CCDC3: variants seen among roughly 807,000 people sequenced by gnomAD.
The protein encoded by CCDC3 is coiled-coil domain containing 3, also known as coiled-coil domain-containing protein 3.
A neutral mutation model predicts 21.4 loss-of-function variants in CCDC3; 24 were observed. The ratio of observed to expected loss-of-function variants is 1.12; its 90% CI spans 0.81 to 1.58. The LOEUF is 1.58. Among genes scored for constraint, CCDC3 ranks in the 40% most tolerant of loss-of-function variants. CCDC3 has a pLI of 0.00. For missense variants in CCDC3, 425 were observed against 360.9 expected (o/e 1.18, Z -1.44); for synonymous variants, 186 against 166.0 (o/e 1.12, Z -0.93).
intron 2 of CCDC3, among the ~76,000 whole-genome samples, chr10:12,940,811 C>T (rs1349154464): frequency 1.3e-5 from 2 of 152,136 alleles, no homozygotes; most frequent in African/African-American, 4.8e-5. Flanking sequence ...GAAAACTGAT[C>T]AACAGGGAAG....
At chr10:13,023,489 A>G (rs1323146494) in intron 5 of CCDC3, among the ~76,000 whole-genome samples, 1 of 152,146 alleles carries the variant, frequency 6.6e-6, no homozygotes, top group Non-Finnish European at 1.5e-5. Context: ...GGTTTCAAGA[A>G]GACCTGTTCT....
intron 2 of CCDC3, among the ~76,000 whole-genome samples, chr10:12,967,526 A>G (rs1447063684): frequency 6.6e-6 from 1 of 152,174 alleles, no homozygotes; most frequent in Non-Finnish European, 1.5e-5. Flanking sequence ...CAATTAATAA[A>G]AAGTTCAATA....
At chr10:12,949,918 G>C (rs746798041) in intron 2 of CCDC3, among the ~76,000 whole-genome samples, 3 of 152,212 alleles carry the variant, frequency 2.0e-5, no homozygotes, top group Non-Finnish European at 2.9e-5. Flanking sequence ...TGTAGACCCA[G>C]AGATACACAC....
intron 2 of CCDC3, among the ~76,000 whole-genome samples, chr10:12,957,274 C>T (rs1326703535): frequency 6.6e-6 from 1 of 152,154 alleles, no homozygotes; most frequent in African/African-American, 2.4e-5. Context: ...TTTTAAGACA[C>T]CCAGTCACCT....
At chr10:13,082,051 C>T (rs1293113314) in intron 3 of CCDC3, among the ~76,000 whole-genome samples, 1 of 152,200 alleles carries the variant, frequency 6.6e-6, no homozygotes, top group Non-Finnish European at 1.5e-5. Context: ...CCTACAGGGT[C>T]TGTGGGTCTT....
chr10:13,092,142 A>G (rs1425042775), intron 3 of CCDC3, among the ~76,000 whole-genome samples: 1 of 152,260 alleles, frequency 6.6e-6, no homozygotes, highest in Non-Finnish European at 1.5e-5. Flanking sequence ...CAACCAAGCC[A>G]GAATCAACTA....
chr10:12,922,651 T>C (rs1214999577), intron 2 of CCDC3, among the ~76,000 whole-genome samples: 1 of 152,104 alleles, frequency 6.6e-6, no homozygotes. Context: ...AAACATGCTC[T>C]TCCCCCTCCC....
At chr10:13,012,093 C>A (rs906692459) in intron 5 of CCDC3, among the ~76,000 whole-genome samples, 9 of 152,126 alleles carry the variant, frequency 5.9e-5, no homozygotes, top group African/African-American at 2.2e-4. Context: ...ACTATAAAAA[C>A]CCTGGAAGAT....
At chr10:13,058,673 C>CGAGATCTA in intron 4 of CCDC3, 1 of 497,196 alleles carries the variant, frequency 2.0e-6, no homozygotes, top group Non-Finnish European at 3.7e-6. Context: ...TTAACAAACC[C>CGAGATCTA]CACCCTGTGG....
At chr10:12,904,993 G>A (rs905771743) in intron 2 of CCDC3, among the ~76,000 whole-genome samples, 18 of 152,030 alleles carry the variant, frequency 1.2e-4, no homozygotes, top group Non-Finnish European at 1.9e-4. Flanking sequence ...AAGAGTCACC[G>A]AGAGGATTCT....
intron 4 of CCDC3, among the ~76,000 whole-genome samples, chr10:13,055,533 T>C (rs1836670668): frequency 6.6e-6 from 1 of 151,904 alleles, no homozygotes; most frequent in Non-Finnish European, 1.5e-5. Context: ...CTATGTTGCC[T>C]AGGCTGGTCT....
intron 2 of CCDC3, among the ~76,000 whole-genome samples, chr10:12,982,448 C>A (rs796214176): frequency 6.6e-5 from 10 of 151,854 alleles, no homozygotes; most frequent in African/African-American, 2.4e-4. Flanking sequence ...GTTAACAATA[C>A]TGTAGATTTT....
At chr10:13,059,914 C>A (rs1158767384) in intron 4 of CCDC3, among the ~76,000 whole-genome samples, 1 of 152,066 alleles carries the variant, frequency 6.6e-6, no homozygotes, top group Admixed American at 6.6e-5. Flanking sequence ...TGGTGAAACC[C>A]CCTCTCTACT....
intron 5 of CCDC3, among the ~76,000 whole-genome samples, chr10:13,044,051 T>A (rs1363160355): frequency 1.3e-5 from 2 of 152,230 alleles, no homozygotes; most frequent in Non-Finnish European, 2.9e-5. Context: ...ATAGCCATTC[T>A]GACTGGTGTG....
chr10:13,067,920 TTTTG>T (rs757809154), intron 4 of CCDC3, among the ~76,000 whole-genome samples: 341 of 152,264 alleles, frequency 2.2e-3, no homozygotes, highest in African/African-American at 6.8e-3. Flanking sequence ...TCTTTACGTT[TTTTG>T]TTTGTTTGTT....
intron 2 of CCDC3, among the ~76,000 whole-genome samples, chr10:12,913,215 G>A (rs57642391): frequency 0.12 from 18,687 of 152,170 alleles, 1,356 homozygotes; most frequent in East Asian, 0.29. Flanking sequence ...TCTAATCTAT[G>A]AGCACAGGAT....
At chr10:13,048,152 C>T (rs1416693835) in intron 5 of CCDC3, among the ~76,000 whole-genome samples, 3 of 152,138 alleles carry the variant, frequency 2.0e-5, no homozygotes, top group Non-Finnish European at 4.4e-5. Flanking sequence ...CATGACTCTG[C>T]TTTAAGCTTA....
In CCDC3 at chr10:13,041,037, C is replaced by CA. The variant is rs199831233; in HGVS notation, c.-2+8636dup. Among the ~76,000 whole-genome samples, 185 of 152,038 alleles carry CA rather than the reference C, an allele frequency of 1.2e-3. 7 individuals carry two copies. In the East Asian group the frequency reaches 0.03, roughly 25 times the overall value. On this transcript the variant is annotated intron_variant, in intron 5 of 6. Transcript: ENST00000378839. The stretch of plus-strand genomic sequence containing the variant: ...ATGATTATACCTCATGCTGAGGAAC[C>CA]AAAAAAATTAAGTCCCAAACACTGA...
intron 2 of CCDC3, among the ~76,000 whole-genome samples, chr10:12,932,716 C>T (rs1036733296): frequency 6.6e-6 from 1 of 152,128 alleles, no homozygotes. Context: ...GCAGTTCTGA[C>T]AGAGGACATC....
Sources: allele counts gnomAD v4.1 joint callset (sites outside exome capture counted in the v4.1 genomes callset), GRCh38; gene constraint gnomAD v4.1.1; transcripts MANE v1.5; gene names NCBI Gene and HGNC (gene_info 2026-07-23, HGNC 2026-07-21).